The following SLC16A10 variants were observed in gnomAD, a reference collection of about 807,000 sequenced individuals.
The protein encoded by SLC16A10 is monocarboxylate transporter 10.
SLC16A10 carries 27 observed loss-of-function variants against 40.0 expected under a neutral mutation model. The ratio of observed to expected loss-of-function variants is 0.67; its 90% confidence interval spans 0.50 to 0.93. SLC16A10 has a LOEUF of 0.93. Among genes scored for constraint, SLC16A10 ranks in the 40% least tolerant of loss-of-function variants. The probability of loss-of-function intolerance (pLI) is 0.00; values close to 1 mark genes in which losing one functional copy is unlikely to be tolerated. For missense variants in SLC16A10, 529 were observed against 658.2 expected, an observed-to-expected ratio of 0.80 and a Z score of 2.15; for synonymous variants, 213 against 249.8, an observed-to-expected ratio of 0.85 and a Z score of 1.39.
intron 4 of SLC16A10, among the ~76,000 whole-genome samples, chr6:111,209,443 A>G (rs75223367): frequency 1.3e-5 from 2 of 152,204 alleles, no homozygotes; most frequent in Non-Finnish European, 2.9e-5. Context: ...AGATCTAAGT[A>G]TGATGATGAA....
At chr6:111,092,315 G>GTTT (rs1173275647) in intron 1 of SLC16A10, among the ~76,000 whole-genome samples, 2,278 of 98,376 alleles carry the variant, frequency 0.023, 85 homozygotes, top group African/African-American at 0.054. Flanking sequence ...TTTTTTTGTT[G>GTTT]TTTTTTTTTT....
At chr6:111,187,857 T>C (rs1772925352) in intron 3 of SLC16A10, among the ~76,000 whole-genome samples, 1 of 152,226 alleles carries the variant, frequency 6.6e-6, no homozygotes, top group African/African-American at 2.4e-5. Flanking sequence ...AAGGTTGTTA[T>C]GCGGCAGATT....
Position 111,177,672 on chromosome 6 carries a change from AT to A in SLC16A10, c.942+8del. ...TGTGCCTTATGTTCACTTGGTGAGT[AT>A]GCTCCTTCACTGATCATGAATATTA... On this transcript the variant is annotated splice_region_variant and intron_variant, in intron 3 of 5. Transcript: ENST00000368851. 6.5e-7 allele frequency: 1 copy of A among 1,529,784 alleles called. No homozygotes were observed. Among genetic ancestry groups the A allele is most frequent in the Non-Finnish European group, 8.8e-7 (1 of 1,140,946 alleles). The allele number at this position is 1,529,784 out of a possible 1,614,324, so 94.8% of individuals were successfully genotyped here.
rs1772702882 is a variant in SLC16A10, at chr6:111,177,254, C to T, written c.531C>T (p.Ala177=). ...PLYLTYGIIF[A]CGCSFAYQPS... ...ACCTTACCTATGGAATCATATTTGC[C>T]TGCGGCTGCTCCTTTGCATACCAGC... The change falls in exon 3 of 6, where the codon GCC becomes GCT. Residue 177 remains alanine (A), a synonymous_variant. Coordinates refer to ENST00000368851, the MANE Select transcript of SLC16A10 (RefSeq NM_018593.5). The T allele has an allele frequency of 6.3e-7, 1 of 1,581,240 alleles. No homozygotes were observed. The highest frequency in any genetic ancestry group is 8.6e-7 in the Non-Finnish European group (1 of 1,166,232).
intron 1 of SLC16A10, among the ~76,000 whole-genome samples, chr6:111,169,919 CTTT>C (rs60561269): frequency 2.2e-5 from 3 of 135,112 alleles, no homozygotes; most frequent in African/African-American, 2.7e-5. Flanking sequence ...TCTTTTCTTT[CTTT>C]TTTTTTTTTT....
At chr6:111,126,538 G>T (rs183462895) in intron 1 of SLC16A10, among the ~76,000 whole-genome samples, 11 of 152,188 alleles carry the variant, frequency 7.2e-5, no homozygotes, top group Non-Finnish European at 1.3e-4. Flanking sequence ...AGATTAAAGA[G>T]CTTTATTGCT....
chr6:111,201,741 T>A (rs1214377862), intron 3 of SLC16A10, among the ~76,000 whole-genome samples: 3 of 152,236 alleles, frequency 2.0e-5, no homozygotes, highest in Non-Finnish European at 4.4e-5. Context: ...TTTTGATTAA[T>A]GGCATCCTTG....
intron 3 of SLC16A10, among the ~76,000 whole-genome samples, chr6:111,192,621 A>G (rs920289349): frequency 1.3e-5 from 2 of 152,188 alleles, no homozygotes; most frequent in African/African-American, 4.8e-5. Flanking sequence ...TCATGCTGCT[A>G]ATAAAGACAT....
chr6:111,217,832 C>T (rs773197550), intron 4 of SLC16A10, among the ~76,000 whole-genome samples: 10 of 152,138 alleles, frequency 6.6e-5, no homozygotes, highest in Non-Finnish European at 1.3e-4. Flanking sequence ...ACCCATCATA[C>T]TTTGAATATA....
chr6:111,123,680 G>A (rs1179180518), intron 1 of SLC16A10, among the ~76,000 whole-genome samples: 15 of 152,174 alleles, frequency 9.9e-5, no homozygotes, highest in Non-Finnish European at 2.1e-4. Context: ...TAGGTCTAAG[G>A]GGCAATAGGA....
intron 1 of SLC16A10, among the ~76,000 whole-genome samples, chr6:111,101,367 C>T (rs1264779088): frequency 6.6e-6 from 1 of 151,900 alleles, no homozygotes; most frequent in East Asian, 1.9e-4. Flanking sequence ...TAACCTGCTC[C>T]CTACTGAAGT....
chr6:111,192,246 A>G lies in SLC16A10; in HGVS notation c.943-14346A>G, dbSNP rs117699398. On this transcript the variant is annotated intron_variant, in intron 3 of 5. Coordinates refer to ENST00000368851, the MANE Select transcript of SLC16A10 (RefSeq NM_018593.5). Reference sequence around the variant, plus strand: ...TTTTTTCCACCGGATACCCCAAATCATCCTCTCAAGTTCAAAGTTCCACAG... The same window carrying G: ...TTTTTTCCACCGGATACCCCAAATCGTCCTCTCAAGTTCAAAGTTCCACAG... Among the ~76,000 whole-genome samples the G allele has an allele frequency of 0.018, 2,733 of 152,162 alleles. 159 individuals carry two copies. In the East Asian group the frequency reaches 0.21, roughly 12 times the overall value.
intron 1 of SLC16A10, among the ~76,000 whole-genome samples, chr6:111,117,720 A>G (rs2114470092): frequency 6.6e-6 from 1 of 152,318 alleles, no homozygotes; most frequent in Admixed American, 6.5e-5. Flanking sequence ...GCCACCGTAG[A>G]TAGAATTCAG....
chr6:111,230,027 A>G lies in SLC16A10; in HGVS notation c.*7792A>G, dbSNP rs1257083138. 3 of 90,170 alleles carry G rather than the reference A, an allele frequency of 3.3e-5. No individual in the cohort carries two copies. The highest frequency in any genetic ancestry group is 3.8e-4 in the South Asian group (1 of 2,632). The allele number at this position is 90,170 out of a possible 1,614,324, so 5.6% of individuals were successfully genotyped here. ...TTTTTTTGAGATGGAGTCTTGCTCT[A>G]TTGCCAGGCTCCATATAGTGGCGCG... On this transcript the variant is annotated 3_prime_UTR_variant, in exon 6 of 6. Transcript: ENST00000368851.
At chr6:111,122,652 A>G (rs890223596) in intron 1 of SLC16A10, among the ~76,000 whole-genome samples, 4 of 152,118 alleles carry the variant, frequency 2.6e-5, no homozygotes, top group African/African-American at 9.7e-5. Flanking sequence ...CTGCTTCCTC[A>G]GAGAGAAGTG....
At chr6:111,094,344 C>G (rs559342078) in intron 1 of SLC16A10, among the ~76,000 whole-genome samples, 2 of 152,290 alleles carry the variant, frequency 1.3e-5, no homozygotes, top group Admixed American at 6.5e-5. Flanking sequence ...GTACATCATA[C>G]TAAACTAACA....
intron 1 of SLC16A10, among the ~76,000 whole-genome samples, chr6:111,143,282 C>T (rs1772016399): frequency 6.6e-6 from 1 of 152,020 alleles, no homozygotes; most frequent in Admixed American, 6.6e-5. Context: ...TGCTGTGTTG[C>T]CCAGGCTGGT....
At chr6:111,107,218 A>T (rs1771300308) in intron 1 of SLC16A10, among the ~76,000 whole-genome samples, 1 of 152,262 alleles carries the variant, frequency 6.6e-6, no homozygotes, top group Non-Finnish European at 1.5e-5. Flanking sequence ...ACCAAAATCA[A>T]CTTGTACTAA....
chr6:111,203,185 G>A (rs747583746), intron 3 of SLC16A10, among the ~76,000 whole-genome samples: 9 of 152,152 alleles, frequency 5.9e-5, no homozygotes, highest in Admixed American at 1.3e-4. Context: ...TCCAGAGGAT[G>A]ACAGATGGGC....
Sources: allele counts gnomAD v4.1 joint callset (sites outside exome capture counted in the v4.1 genomes callset), GRCh38; gene constraint gnomAD v4.1.1; transcripts MANE v1.5; gene names NCBI Gene and HGNC (gene_info 2026-07-23, HGNC 2026-07-21).